Variants in STK24 observed in about 807,000 individuals in gnomAD.
STK24 encodes serine/threonine kinase 24, also known as serine/threonine-protein kinase 24.
Under a neutral mutation model 55.6 loss-of-function variants are expected in STK24, and 21 were observed. The ratio of observed to expected loss-of-function variants is 0.38; its 90% CI spans 0.27 to 0.54. The LOEUF is 0.54. Ranked by LOEUF, STK24 falls within the 20% of genes least tolerant of loss-of-function variation. The probability of loss-of-function intolerance (pLI) is 0.79; values close to 1 mark genes in which losing one functional copy is unlikely to be tolerated. For missense variants in STK24, 383 were observed against 538.4 expected (o/e 0.71, Z 2.86); for synonymous variants, 200 against 215.2 (o/e 0.93, Z 0.62).
chr13:98,460,455 A>C lies in STK24; in HGVS notation c.1054-15T>G, dbSNP rs770903124. The C allele has an allele frequency of 1.3e-6, 2 of 1,584,020 alleles. No homozygotes were observed. Among genetic ancestry groups the C allele is most frequent in the East Asian group, 2.3e-5 (1 of 44,236 alleles). ...ATGTCTTTCATCTTGGGGGAGAGGG[A>C]AAAAAAGGTCATCAGAAACAGTTGA... is the stretch of plus-strand genomic sequence containing the variant. On this transcript the variant is annotated splice_polypyrimidine_tract_variant and intron_variant, in intron 8 of 10. Coordinates refer to ENST00000539966, the MANE Select transcript of STK24 (RefSeq NM_001032296.4).
Position 98,474,998 on chromosome 13 carries a change from C to G in STK24, c.440-20G>C, listed in dbSNP as rs9513430. 879,239 of 1,597,190 alleles carry G rather than the reference C, an allele frequency of 0.55. 245,794 individuals are homozygous for G. Among genetic ancestry groups the G allele is most frequent in the Non-Finnish European group, 0.58 (677,999 of 1,172,334 alleles). The stretch of plus-strand genomic sequence containing the variant: ...TGGCCGCTGCAAAAGAAAGCCAAGG[C>G]GGCCCTGGGCGGTGCGGACTTACAA... On this transcript the variant is annotated intron_variant, in intron 4 of 10. Transcript: ENST00000539966.
chr13:98,539,080 T>C (rs1222276766), intron 1 of STK24, among the ~76,000 whole-genome samples: 2 of 152,150 alleles, frequency 1.3e-5, no homozygotes, highest in East Asian at 3.9e-4. Flanking sequence ...GCACCCGCTG[T>C]TTCCATCAAA....
At chr13:98,474,533 C>T (rs1420511930) in intron 5 of STK24, among the ~76,000 whole-genome samples, 6 of 152,118 alleles carry the variant, frequency 3.9e-5, no homozygotes, top group African/African-American at 1.2e-4. Context: ...TTCAGTTCCT[C>T]CCACCCCCCT....
At chr13:98,475,681 G>A (rs1594590073) in intron 3 of STK24, among the ~76,000 whole-genome samples, 1 of 152,150 alleles carries the variant, frequency 6.6e-6, no homozygotes, top group Non-Finnish European at 1.5e-5. Context: ...GCGGGGCGCA[G>A]GCTGAGCCAA....
intron 2 of STK24, among the ~76,000 whole-genome samples, chr13:98,505,407 CA>C (rs929710014): frequency 1.3e-5 from 2 of 152,224 alleles, no homozygotes; most frequent in African/African-American, 4.8e-5. Flanking sequence ...TATACTACAC[CA>C]GCCTTGGCTG....
At chr13:98,464,144 G>A (rs756802899) in intron 6 of STK24, among the ~76,000 whole-genome samples, 1 of 152,146 alleles carries the variant, frequency 6.6e-6, no homozygotes, top group Non-Finnish European at 1.5e-5. Flanking sequence ...CTGGTCGGGC[G>A]CAGTGGCTCA....
At chr13:98,525,486 A>C (rs1218635259) in intron 1 of STK24, among the ~76,000 whole-genome samples, 4 of 152,200 alleles carry the variant, frequency 2.6e-5, no homozygotes, top group Non-Finnish European at 5.9e-5. Context: ...TAGGGCAAGA[A>C]GACTAGGGGA....
At chr13:98,470,670 TTC>T (rs1894109306) in intron 5 of STK24, among the ~76,000 whole-genome samples, 1 of 152,302 alleles carries the variant, frequency 6.6e-6, no homozygotes, top group African/African-American at 2.4e-5. Context: ...CCACCCTGAG[TTC>T]TCTGTTACTG....
intron 3 of STK24, among the ~76,000 whole-genome samples, chr13:98,476,670 A>C (rs1894389815): frequency 6.6e-6 from 1 of 152,114 alleles, no homozygotes. Flanking sequence ...TGTGGGGTGC[A>C]GTGTGGGGGC....
At chr13:98,454,275 C>T (rs1045597150) in intron 10 of STK24, 1 of 152,190 alleles carries the variant, frequency 6.6e-6, no homozygotes, top group Non-Finnish European at 1.5e-5. Context: ...AAAAATTCTA[C>T]AAGATTGTCT....
Position 98,474,925 on chromosome 13 carries a change from C to G in STK24, c.493G>C (p.Val165Leu). ...HGEVKLADFG[V>L]AGQLTDTQIK... Reference sequence around the variant, plus strand: ...TGGGTGTCTGTCAGCTGGCCAGCCACGCCAAAGTCCGCCAGCTTCACCTCG... The same window carrying G: ...TGGGTGTCTGTCAGCTGGCCAGCCAGGCCAAAGTCCGCCAGCTTCACCTCG... Residue 165 changes from valine to leucine, a missense_variant, in exon 5 of 11, where the codon GTG (valine) becomes CTG (leucine). By Grantham distance (32) the Val-to-Leu change is conservative (BLOSUM62 1). Coordinates refer to ENST00000539966, the MANE Select transcript of STK24 (RefSeq NM_001032296.4). The G allele has an allele frequency of 6.2e-7, 1 of 1,614,086 alleles. No homozygotes were observed. The highest frequency in any genetic ancestry group is 8.5e-7 in the Non-Finnish European group (1 of 1,179,992).
At chr13:98,489,220 G>C (rs1325481611) in intron 2 of STK24, among the ~76,000 whole-genome samples, 2 of 152,190 alleles carry the variant, frequency 1.3e-5, no homozygotes, top group Admixed American at 6.5e-5. Context: ...GTGAGGCCGT[G>C]TACACAGCAA....
intron 2 of STK24, among the ~76,000 whole-genome samples, chr13:98,507,395 G>C (rs746733508): frequency 6.6e-6 from 1 of 152,216 alleles, no homozygotes; most frequent in Non-Finnish European, 1.5e-5. Context: ...TCCTGGCACA[G>C]GGCCAACGCT....
intron 2 of STK24, among the ~76,000 whole-genome samples, chr13:98,489,977 A>G (rs1282527760): frequency 3.9e-5 from 6 of 152,234 alleles, no homozygotes. Flanking sequence ...GGAAAGGCCC[A>G]AAACGGTTCT....
At chr13:98,527,417 G>A (rs1480650859) in intron 1 of STK24, among the ~76,000 whole-genome samples, 3 of 152,222 alleles carry the variant, frequency 2.0e-5, no homozygotes, top group Non-Finnish European at 4.4e-5. Flanking sequence ...GTGGGAACAT[G>A]TGGCCTGCAA....
chr13:98,549,737 C>A (rs147556505), intron 1 of STK24, among the ~76,000 whole-genome samples: 8 of 152,220 alleles, frequency 5.3e-5, no homozygotes, highest in Non-Finnish European at 1.0e-4. Flanking sequence ...AACTAAACCT[C>A]TTTCCTTTAT....
In STK24 at chr13:98,474,853, C is replaced by T. The variant is rs998156740; in HGVS notation, c.565G>A (p.Glu189Lys). Reference protein sequence around the residue: ...FVGTPFWMAPEVIKQSAYDSK... With the variant: ...FVGTPFWMAPKVIKQSAYDSK... ...TCATAGGCCGACTGTTTGATGACCT[C>T]GGGTGCCATCCAGAATGGGGTGCCC... Residue 189 changes from glutamate to lysine, a missense_variant, in exon 5 of 11, where the codon GAG becomes AAG. Coordinates refer to ENST00000539966, the MANE Select transcript of STK24 (RefSeq NM_001032296.4). The T allele has an allele frequency of 2.5e-6, 4 of 1,613,748 alleles. No individual in the cohort carries two copies. Among genetic ancestry groups the T allele is most frequent in the Middle Eastern group, 1.7e-4 (1 of 6,058 alleles).
At position 98,449,911 on chromosome 13, in the gene STK24, C is replaced by G. The variant is rs1893106402; in HGVS notation, c.*3262G>C. 1 of 152,360 alleles carries G rather than the reference C, an allele frequency of 6.6e-6. No individual in the cohort carries two copies. Among genetic ancestry groups the G allele is most frequent in the African/African-American group, 2.4e-5 (1 of 41,436 alleles). The allele number at this position is 152,360 out of a possible 1,614,324, so 9.4% of individuals were successfully genotyped here. On this transcript the variant is annotated 3_prime_UTR_variant, in exon 11 of 11. Coordinates refer to ENST00000539966, the MANE Select transcript of STK24 (RefSeq NM_001032296.4). ...ACTGTTCCCTATGCTCCCCCCACCT[C>G]CAGGCAGGGGCAGAGCAAACAAACA...
chr13:98,524,010 G>A (rs534598834), intron 1 of STK24, among the ~76,000 whole-genome samples: 1 of 152,208 alleles, frequency 6.6e-6, no homozygotes, highest in South Asian at 2.1e-4. Flanking sequence ...TTGTTGAGCT[G>A]AGGCTCTCTG....
Sources: gnomAD v4.1 joint callset for allele counts (sites outside exome capture counted in the v4.1 genomes callset) on GRCh38, gnomAD v4.1.1 for gene constraint, MANE v1.5 for transcripts, NCBI Gene and HGNC (gene_info 2026-07-23, HGNC 2026-07-21) for gene names.